The following PNPLA7 variants were observed in gnomAD, a reference collection of about 807,000 sequenced individuals.
The protein encoded by PNPLA7 is patatin like domain 7, lysophospholipase.
In PNPLA7, 153 loss-of-function variants were observed where a neutral mutation model predicts 161.7. The ratio of observed to expected loss-of-function variants is 0.95; its 90% CI spans 0.83 to 1.08. The LOEUF (loss-of-function observed/expected upper bound fraction) is 1.08. Among genes scored for constraint, PNPLA7 ranks in the 50% least tolerant of loss-of-function variants. PNPLA7 has a pLI of 0.00. For synonymous variants in PNPLA7, 809 were observed against 782.1 expected, an observed-to-expected ratio of 1.03 and a Z score of -0.57; for missense variants, 1,739 against 1,856.6, an observed-to-expected ratio of 0.94 and a Z score of 1.16.
Position 137,547,531 on chromosome 9 carries a change from GA to G in PNPLA7, c.105+53del. ...CCAGGGGATGGGGACAGGGAGAGGT[GA>G]AAAAGGCCACGGCCCATCCAGGTCT... On this transcript the variant is annotated intron_variant, in intron 2 of 34. Coordinates refer to ENST00000406427, the MANE Select transcript of PNPLA7 (RefSeq NM_001098537.3). This position sits in a 1 kb window ranked among gnomAD's most constrained non-coding sequence, Gnocchi z 4.6. 1 of 1,605,810 alleles carries G rather than the reference GA, an allele frequency of 6.2e-7. No individual in the cohort carries two copies. Among genetic ancestry groups the G allele is most frequent in the Non-Finnish European group, 8.5e-7 (1 of 1,173,394 alleles).
chr9:137,507,152 C>T (rs1284527771), intron 12 of PNPLA7, among the ~76,000 whole-genome samples: 1 of 152,240 alleles, frequency 6.6e-6, no homozygotes, highest in African/African-American at 2.4e-5. Flanking sequence ...GAGCTGGCAC[C>T]CTTCAGCCCG....
chr9:137,494,062 G>A (rs1832909048), intron 19 of PNPLA7, among the ~76,000 whole-genome samples: 4 of 152,266 alleles, frequency 2.6e-5, no homozygotes, highest in East Asian at 1.9e-4. Context: ...GGTGGTGAGA[G>A]GCACTGGCCG....
rs1378746853 is a variant in PNPLA7 at position 137,498,310 on chromosome 9, A to G, written c.1758-65T>C. 10 of 1,587,018 alleles carry G rather than the reference A, an allele frequency of 6.3e-6. No individual in the cohort carries two copies. The East Asian group carries it at 2.2e-4, about 36-fold the overall frequency. On this transcript the variant is annotated intron_variant, in intron 16 of 34. Coordinates refer to ENST00000406427, the MANE Select transcript of PNPLA7 (RefSeq NM_001098537.3). ...AACCCTACCCTTCGCCCAGGGCCGC[A>G]GTGCTCGGGAATGGATGGGACCCAC...
In PNPLA7 at chr9:137,505,755, CCTGGA is replaced by C; in HGVS notation, c.1327_1331del (p.Ser443GlufsTer22). 6.2e-7 allele frequency: 1 copy of C among 1,613,932 alleles called. No individual in the cohort carries two copies. Among genetic ancestry groups the C allele is most frequent in the Non-Finnish European group, 8.5e-7 (1 of 1,179,926 alleles). On this transcript the variant is annotated frameshift_variant and splice_region_variant, in exon 14 of 35. Transcript: ENST00000406427. LOFTEE classifies it high-confidence loss of function. ...GTATCTCTGCAACCATCACGCTTTTCCTGGACTGGAGAAGAACGGAGATACCGGCA... is the reference window on the plus strand; with the variant it reads ...GTATCTCTGCAACCATCACGCTTTTCCTGGAGAAGAACGGAGATACCGGCA...
chr9:137,500,689 A>T lies in PNPLA7; in HGVS notation c.1757+2T>A. On this transcript the variant is annotated splice_donor_variant, in intron 16 of 34. Transcript: ENST00000406427. LOFTEE classifies it high-confidence loss of function. This position sits in a 1 kb window ranked among gnomAD's most constrained non-coding sequence, Gnocchi z 5.5. Reference sequence around the variant, plus strand: ...CCTGAGGTCCTGGCCCGTGGGACTCACTCATAGAAGTGGGCCTTGGAGATG... The same window carrying T: ...CCTGAGGTCCTGGCCCGTGGGACTCTCTCATAGAAGTGGGCCTTGGAGATG... 1 of 1,611,972 alleles carries T rather than the reference A, an allele frequency of 6.2e-7. No individual in the cohort carries two copies. The highest frequency in any genetic ancestry group is 8.5e-7 in the Non-Finnish European group (1 of 1,179,718).
chr9:137,462,376 C>G, intron 30 of PNPLA7, 45 bp from the exon 31 acceptor site: 1 of 1,555,022 alleles, frequency 6.4e-7, no homozygotes, highest in African/African-American at 1.4e-5. Context: ...CGGCCCCTAC[C>G]CCGTCCCAGC....
rs1401823992 is a variant in PNPLA7, at chr9:137,486,701, C to T, written c.2198-1965G>A. On this transcript the variant is annotated intron_variant, in intron 20 of 34. Transcript: ENST00000406427. This position sits in a 1 kb window ranked among gnomAD's most constrained non-coding sequence, Gnocchi z 6.0. ...AGCACCGGGAGCCCTGGGCCTCCACCGCCCAGCCTTGGGGTGGCTTCAGCC... is the reference window on the plus strand; with the variant it reads ...AGCACCGGGAGCCCTGGGCCTCCACTGCCCAGCCTTGGGGTGGCTTCAGCC... 6.6e-6 allele frequency among the ~76,000 whole-genome samples: 1 copy of T among 152,104 alleles called. No individual in the cohort carries two copies. Among genetic ancestry groups the T allele is most frequent in the East Asian group, 1.9e-4 (1 of 5,164 alleles).
In PNPLA7 at chr9:137,463,315, C is replaced by T. The variant is rs149920796; in HGVS notation, c.3343+100G>A. The T allele has an allele frequency of 8.3e-5, 91 of 1,100,718 alleles. No individual in the cohort carries two copies. The East Asian group carries it at 2.3e-3, about 28-fold the overall frequency. The allele number at this position is 1,100,718 out of a possible 1,614,324, so 68.2% of individuals were successfully genotyped here. ...ATACTCTAAGGAAAACGTGTTCCAG[C>T]CCAGGCTTCTTGGAGCGGAGGCAGC... On this transcript the variant is annotated intron_variant, in intron 29 of 34. Transcript: ENST00000406427.
rs1455938180 is a variant in PNPLA7, at chr9:137,486,193, G to A, written c.2198-1457C>T. On this transcript the variant is annotated intron_variant, in intron 20 of 34. Coordinates refer to ENST00000406427, the MANE Select transcript of PNPLA7 (RefSeq NM_001098537.3). This position sits in a 1 kb window ranked among gnomAD's most constrained non-coding sequence, Gnocchi z 6.0. The stretch of plus-strand genomic sequence containing the variant: ...GGCCAAGGTCAGAGTAAGGGGACGC[G>A]GCATGGTGAGGGAAGAGGCCAGGAG... 2.0e-5 allele frequency among the ~76,000 whole-genome samples: 3 copies of A among 152,154 alleles called. No individual in the cohort carries two copies. Among genetic ancestry groups the A allele is most frequent in the South Asian group, 4.2e-4 (2 of 4,818 alleles).
At position 137,540,766 on chromosome 9, in the gene PNPLA7, C is replaced by T. The variant is rs551436294; in HGVS notation, c.667-44G>A. On this transcript the variant is annotated intron_variant, in intron 7 of 34. Transcript: ENST00000406427. This position sits in a 1 kb window ranked among gnomAD's most constrained non-coding sequence, Gnocchi z 5.1. ...GTGGGTGCCGTCAGGTCTGGGGCTG[C>T]GACCGCGGGGCCTGGCGGAGGCTCA... 11 of 1,554,548 alleles carry T rather than the reference C, an allele frequency of 7.1e-6. No individual in the cohort carries two copies. The highest frequency in any genetic ancestry group is 4.7e-5 in the East Asian group (2 of 43,010).
chr9:137,462,179 G>GCAGATCT lies in PNPLA7; in HGVS notation c.3638_3644dup (p.Cys1215Ter). 1 of 1,563,164 alleles carries GCAGATCT rather than the reference G, an allele frequency of 6.4e-7. No homozygotes were observed. The highest frequency in any genetic ancestry group is 8.7e-7 in the Non-Finnish European group (1 of 1,150,854). ...GCCGCCGCGGGTGGCCGGCACTCAC[G>GCAGATCT]CAGATCTCGTTGAACTTGCCGAAGT... On this transcript the variant is annotated stop_gained and frameshift_variant and splice_region_variant, in exon 31 of 35. Transcript: ENST00000406427. LOFTEE classifies it high-confidence loss of function.
intron 25 of PNPLA7, among the ~76,000 whole-genome samples, chr9:137,471,366 C>T (rs1217759437): frequency 1.3e-5 from 2 of 152,012 alleles, no homozygotes; most frequent in Admixed American, 6.5e-5. Context: ...TTTGGGAGGC[C>T]AAGGCGGGCG....
intron 20 of PNPLA7, among the ~76,000 whole-genome samples, chr9:137,487,858 C>A (rs1244981609): frequency 1.3e-5 from 2 of 152,200 alleles, no homozygotes; most frequent in Non-Finnish European, 2.9e-5. Flanking sequence ...CCACCACAAC[C>A]TGGCACGCCC....
chr9:137,546,651 C>A (rs202205651), intron 4 of PNPLA7, among the ~76,000 whole-genome samples, 179 bp downstream of exon 4: 1 of 152,124 alleles, frequency 6.6e-6, no homozygotes, highest in East Asian at 1.9e-4. Flanking sequence ...AGACACCATT[C>A]GGCACAATTT....
chr9:137,470,379 G>GGAAT (rs1831653929), intron 25 of PNPLA7, among the ~76,000 whole-genome samples: 3 of 152,052 alleles, frequency 2.0e-5, no homozygotes, highest in Admixed American at 1.3e-4. Flanking sequence ...AAATTCACCA[G>GGAAT]TGAAACCATC....
At chr9:137,501,008 G>C in intron 15 of PNPLA7, 112 bp from the exon 16 acceptor site, 2 of 888,152 alleles carry the variant, frequency 2.3e-6, no homozygotes, top group Non-Finnish European at 3.4e-6. Flanking sequence ...ACCATCCGCC[G>C]ACCTGATCAG....
In PNPLA7 at chr9:137,461,918, C is replaced by T. The variant is rs370541391; in HGVS notation, c.3756+13G>A. 7.8e-6 allele frequency: 12 copies of T among 1,547,662 alleles called. No individual in the cohort carries two copies. In the African/African-American group the frequency reaches 1.6e-4, roughly 21 times the overall value. On this transcript the variant is annotated intron_variant, in intron 32 of 34. Coordinates refer to ENST00000406427, the MANE Select transcript of PNPLA7 (RefSeq NM_001098537.3). The stretch of plus-strand genomic sequence containing the variant: ...TCCGGGGAGCTGGGCGTGGTCCGGA[C>T]GCCCGTACTCACCGCACTCGCGGGC...
At position 137,500,351 on chromosome 9, in the gene PNPLA7, C is replaced by A. The variant is rs1460699386; in HGVS notation, c.1757+340G>T. Among the ~76,000 whole-genome samples, 1 of 152,224 alleles carries A rather than the reference C, an allele frequency of 6.6e-6. No homozygotes were observed. The highest frequency in any genetic ancestry group is 2.4e-5 in the African/African-American group (1 of 41,450). ...CCCCTGAAGCCCGGCCCTGCCCCAA[C>A]GTGGGCCTTGCTGAGCCAAGCTGGG... On this transcript the variant is annotated intron_variant, in intron 16 of 34. Transcript: ENST00000406427. The surrounding 1 kb of genome is among the most constrained non-coding windows in gnomAD (Gnocchi z 5.5).
chr9:137,505,427 A>G (rs1269008559), intron 14 of PNPLA7, among the ~76,000 whole-genome samples, 187 bp downstream of exon 14: 1 of 152,222 alleles, frequency 6.6e-6, no homozygotes, highest in Non-Finnish European at 1.5e-5. Context: ...GAGTTTGAAC[A>G]TAAGGCGATC....
Sources: allele counts gnomAD v4.1 joint callset (sites outside exome capture counted in the v4.1 genomes callset), GRCh38; gene constraint gnomAD v4.1.1; non-coding constraint Gnocchi (gnomAD v3.1); transcripts MANE v1.5; gene names NCBI Gene and HGNC (gene_info 2026-07-23, HGNC 2026-07-21).